Variants in MACROD2 observed in about 807,000 individuals in gnomAD.
MACROD2 encodes the protein ADP-ribose glycohydrolase MACROD2.
A neutral mutation model predicts 70.4 loss-of-function variants in MACROD2; 36 were observed. The ratio of observed to expected loss-of-function variants is 0.51; its 90% CI spans 0.39 to 0.68. The LOEUF is 0.68. Ranked by LOEUF, MACROD2 falls within the 30% of genes least tolerant of loss-of-function variation. The pLI is 0.00. For missense variants in MACROD2, 496 were observed against 538.4 expected, an observed-to-expected ratio of 0.92 and a Z score of 0.78; for synonymous variants, 172 against 178.8, an observed-to-expected ratio of 0.96 and a Z score of 0.30.
At chr20:14,102,345 A>C (rs915631750) in intron 3 of MACROD2, among the ~76,000 whole-genome samples, 11 of 152,100 alleles carry the variant, frequency 7.2e-5, no homozygotes, top group Admixed American at 7.2e-4. Flanking sequence ...AGAGGGACTC[A>C]AGAGCCTGTT....
intron 3 of MACROD2, among the ~76,000 whole-genome samples, chr20:14,491,391 G>A (rs1448815815): frequency 6.6e-6 from 1 of 152,286 alleles, no homozygotes; most frequent in South Asian, 2.1e-4. Context: ...TGATCAAACA[G>A]TTTAAATTAA....
rs1442039066 is a variant in MACROD2, at chr20:15,967,572, T to G, written c.927T>G (p.Asn309Lys). The change falls in exon 13 of 18, where the codon AAT becomes AAG. Residue 309 changes from asparagine to lysine, a missense_variant. Transcript: ENST00000684519. ...TGTTAGATTTTGCAAAGGATGAAAA[T>G]ATTACAAAAGGCGGTGAAGTGACAG... ...CKDEDFAKDENITKGGEVTDH... is the reference protein window; with the variant it reads ...CKDEDFAKDEKITKGGEVTDH... The G allele has an allele frequency of 6.2e-7, 1 of 1,610,632 alleles. No individual in the cohort carries two copies. Among genetic ancestry groups the G allele is most frequent in the Admixed American group, 1.7e-5 (1 of 59,408 alleles).
chr20:15,477,099 G>GT (rs371999407), intron 7 of MACROD2, among the ~76,000 whole-genome samples: 61,401 of 114,658 alleles, frequency 0.54, 17,940 homozygotes, highest in East Asian at 0.89. Flanking sequence ...TCTATTTTTA[G>GT]TTTTTTTTTT....
rs11480928 is a variant in MACROD2 at position 16,038,531 on chromosome 20, G to GTT, written c.1154-2670_1154-2669insTT. Among the ~76,000 whole-genome samples, 13 of 134,980 alleles carry GTT rather than the reference G, an allele frequency of 9.6e-5. No individual in the cohort carries two copies. The South Asian group carries it at 1.1e-3, about 11-fold the overall frequency. 88.6% of individuals were successfully genotyped at this position (134,980 alleles called of 152,430 possible). A position where few individuals can be genotyped will look rare whatever the true frequency, so the allele number is the denominator to read the frequency against. The stretch of plus-strand genomic sequence containing the variant: ...TTTAATTCTTAACTTGTTTTTGTGG[G>GTT]GTTTTTTTTTTTCGGTTCTAGAATT... On this transcript the variant is annotated intron_variant, in intron 15 of 17. Coordinates refer to ENST00000684519, the MANE Select transcript of MACROD2 (RefSeq NM_001351661.2).
intron 8 of MACROD2, among the ~76,000 whole-genome samples, chr20:15,686,770 G>C (rs1362105643): frequency 6.7e-6 from 1 of 150,042 alleles, no homozygotes; most frequent in East Asian, 2.0e-4. Context: ...CTACTTGGGA[G>C]ACTGAAGCAG....
chr20:15,352,923 C>G (rs1432451399), intron 6 of MACROD2, among the ~76,000 whole-genome samples: 1 of 151,838 alleles, frequency 6.6e-6, no homozygotes, highest in South Asian at 2.1e-4. Context: ...AATGGCCATA[C>G]TGCCCAAGGT....
intron 5 of MACROD2, chr20:15,021,522 A>G (rs535319845): frequency 4.9e-4 from 74 of 151,222 alleles, no homozygotes; most frequent in Admixed American, 4.7e-3. Flanking sequence ...ATATGTGTGT[A>G]TATATATACA....
intron 5 of MACROD2, among the ~76,000 whole-genome samples, chr20:14,813,835 T>G (rs1372549099): frequency 2.0e-5 from 3 of 151,954 alleles, no homozygotes. Context: ...CCTTCAGCCT[T>G]CCTCCCCTCC....
chr20:14,326,047 A>C lies in MACROD2; in HGVS notation c.272-167432A>C. On this transcript the variant is annotated intron_variant, in intron 3 of 17. Coordinates refer to ENST00000684519, the MANE Select transcript of MACROD2 (RefSeq NM_001351661.2). The surrounding 1 kb of genome is among the most constrained non-coding windows in gnomAD (Gnocchi z 5.5). ...AACAGGAGTTTCATCAAATAGGTAGAGGTTGCTGGTTTCCATGGGAACCAT... is the reference window on the plus strand; with the variant it reads ...AACAGGAGTTTCATCAAATAGGTAGCGGTTGCTGGTTTCCATGGGAACCAT... 6.2e-7 allele frequency: 1 copy of C among 1,613,944 alleles called. No individual in the cohort carries two copies. The highest frequency in any genetic ancestry group is 1.1e-5 in the South Asian group (1 of 91,084).
At chr20:15,504,930 A>C (rs2047406975) in intron 8 of MACROD2, among the ~76,000 whole-genome samples, 1 of 152,148 alleles carries the variant, frequency 6.6e-6, no homozygotes. Context: ...TTTTTCATGC[A>C]ATCTAGAAAT....
intron 9 of MACROD2, among the ~76,000 whole-genome samples, chr20:15,884,283 A>T (rs1427811746): frequency 6.6e-6 from 1 of 152,078 alleles, no homozygotes; most frequent in Non-Finnish European, 1.5e-5. Context: ...CACTTGAAGG[A>T]TGAAGGTGAA....
At chr20:15,594,398 C>A (rs551689199) in intron 8 of MACROD2, among the ~76,000 whole-genome samples, 1 of 152,298 alleles carries the variant, frequency 6.6e-6, no homozygotes, top group South Asian at 2.1e-4. Flanking sequence ...GATCGTACTA[C>A]TGCAAACAAC....
At chr20:15,724,860 A>G (rs946006634) in intron 8 of MACROD2, among the ~76,000 whole-genome samples, 1 of 152,150 alleles carries the variant, frequency 6.6e-6, no homozygotes, top group African/African-American at 2.4e-5. Context: ...AGGCAGGCGG[A>G]TCACGAGGTC....
Position 15,967,584 on chromosome 20 carries a change from C to T in MACROD2, c.939C>T (p.Gly313=), listed in dbSNP as rs773610273. 68 of 1,605,918 alleles carry T rather than the reference C, an allele frequency of 4.2e-5. No individual in the cohort carries two copies. Among genetic ancestry groups the T allele is most frequent in the Admixed American group, 3.2e-4 (19 of 59,082 alleles). Residue 313 remains glycine (G), a synonymous_variant, in exon 13 of 18, where the codon GGC becomes GGT. Transcript: ENST00000684519. ...DFAKDENITK[G]GEVTDHSVRD... ...CAAAGGATGAAAATATTACAAAAGG[C>T]GGTGAAGTGACAGATCATTCTGTGC...
chr20:14,704,599 C>T (rs982801474), intron 5 of MACROD2, among the ~76,000 whole-genome samples: 1 of 152,168 alleles, frequency 6.6e-6, no homozygotes, highest in Non-Finnish European at 1.5e-5. Flanking sequence ...TATTCAAATC[C>T]TGCCTGTTTT....
chr20:14,294,951 A>T (rs2122464685), intron 3 of MACROD2, among the ~76,000 whole-genome samples: 1 of 151,788 alleles, frequency 6.6e-6, no homozygotes, highest in East Asian at 1.9e-4. Flanking sequence ...TGTCAGAAAC[A>T]CTACTTCTGT....
chr20:14,000,241 T>G (rs2052715279), intron 1 of MACROD2, among the ~76,000 whole-genome samples: 1 of 152,176 alleles, frequency 6.6e-6, no homozygotes, highest in Non-Finnish European at 1.5e-5. Context: ...ATTTCCAGAT[T>G]CTTGATTTCA....
chr20:15,801,174 A>T (rs1457663692), intron 8 of MACROD2, among the ~76,000 whole-genome samples: 1 of 136,702 alleles, frequency 7.3e-6, no homozygotes, highest in Non-Finnish European at 1.5e-5. Context: ...GAAACACCCA[A>T]GAATGATCAA....
chr20:15,967,681 G>GAAAAAA (rs11467891), intron 13 of MACROD2, 51 bp downstream of exon 13: 23 of 417,384 alleles, frequency 5.5e-5, no homozygotes, highest in South Asian at 2.3e-4. Context: ...CTGGGAAACA[G>GAAAAAA]AAAAAAAAAA....
Sources: allele counts gnomAD v4.1 joint callset (sites outside exome capture counted in the v4.1 genomes callset), GRCh38; gene constraint gnomAD v4.1.1; non-coding constraint Gnocchi (gnomAD v3.1); transcripts MANE v1.5; gene names NCBI Gene and HGNC (gene_info 2026-07-23, HGNC 2026-07-21).